The following MGLL variants were observed in gnomAD, a reference collection of about 807,000 sequenced individuals.
MGLL encodes lysophospholipase homolog.
Under a neutral mutation model 29.1 loss-of-function variants are expected in MGLL, and 7 were observed. The observed-to-expected ratio is 0.24, with a 90% confidence interval of 0.14 to 0.45. The LOEUF is 0.45. Ranked by LOEUF, MGLL falls within the 20% of genes least tolerant of loss-of-function variation. MGLL has a pLI of 0.99. For synonymous variants in MGLL, 148 were observed against 168.3 expected, an observed-to-expected ratio of 0.88 and a Z score of 0.93; for missense variants, 356 against 413.6, an observed-to-expected ratio of 0.86 and a Z score of 1.21.
At chr3:127,709,580 C>G (rs1163888656) in intron 6 of MGLL, among the ~76,000 whole-genome samples, 2 of 152,138 alleles carry the variant, frequency 1.3e-5, no homozygotes, top group Non-Finnish European at 1.5e-5. Context: ...GGGAACATCC[C>G]CAGAATGCTA....
chr3:127,744,520 G>A (rs978419121), intron 3 of MGLL, among the ~76,000 whole-genome samples: 1 of 152,202 alleles, frequency 6.6e-6, no homozygotes, highest in African/African-American at 2.4e-5. Context: ...AGAAATGCCA[G>A]ACCTTTCTCT....
intron 2 of MGLL, among the ~76,000 whole-genome samples, chr3:127,794,346 G>A (rs575433999): frequency 1.4e-4 from 21 of 152,018 alleles, no homozygotes; most frequent in Non-Finnish European, 4.4e-5. Context: ...TAAGGAGGCT[G>A]AGGCAGGAGA....
intron 2 of MGLL, 101 bp downstream of exon 2, chr3:127,821,593 G>A: frequency 7.2e-7 from 1 of 1,387,536 alleles, no homozygotes; most frequent in Non-Finnish European, 1.0e-6. Context: ...GTAGGTCATA[G>A]AGAAAGCGGC....
chr3:127,744,245 ATCCTACTC>A (rs1276626044), intron 3 of MGLL, among the ~76,000 whole-genome samples: 1 of 152,220 alleles, frequency 6.6e-6, no homozygotes, highest in Non-Finnish European at 1.5e-5. Context: ...ATTTGAAAAC[ATCCTACTC>A]TCCACTGTAT....
At chr3:127,701,790 C>T (rs139892692) in intron 6 of MGLL, among the ~76,000 whole-genome samples, 6 of 152,202 alleles carry the variant, frequency 3.9e-5, no homozygotes, top group African/African-American at 1.4e-4. Flanking sequence ...GCACTACAGA[C>T]TGGCCCCGAT....
chr3:127,787,041 T>G (rs1289692807), intron 2 of MGLL, among the ~76,000 whole-genome samples: 1 of 152,226 alleles, frequency 6.6e-6, no homozygotes, highest in African/African-American at 2.4e-5. Context: ...TGAGACAATG[T>G]GTGTGCAAGT....
At chr3:127,792,578 C>T (rs2077318794) in intron 2 of MGLL, among the ~76,000 whole-genome samples, 1 of 152,188 alleles carries the variant, frequency 6.6e-6, no homozygotes, top group Admixed American at 6.5e-5. Flanking sequence ...TGGCACACGC[C>T]TGTAGTCCCA....
chr3:127,735,792 T>C (rs1163447260), intron 3 of MGLL: 1 of 1,598,366 alleles, frequency 6.3e-7, no homozygotes, highest in African/African-American at 1.3e-5. Flanking sequence ...GAAAAATGTA[T>C]AAATTCTGGC....
chr3:127,721,518 T>TGTTTG (rs1559922315), intron 4 of MGLL, among the ~76,000 whole-genome samples: 1 of 150,122 alleles, frequency 6.7e-6, no homozygotes. Context: ...TTTTTTTTTT[T>TGTTTG]TTTTTTTTTT....
intron 3 of MGLL, among the ~76,000 whole-genome samples, chr3:127,775,377 G>T (rs569251346): frequency 1.3e-5 from 2 of 152,166 alleles, no homozygotes; most frequent in East Asian, 3.9e-4. Context: ...TAAACCTATG[G>T]CAGTTTATTT....
At chr3:127,798,071 T>G (rs2077414790) in intron 2 of MGLL, among the ~76,000 whole-genome samples, 1 of 152,192 alleles carries the variant, frequency 6.6e-6, no homozygotes, top group Non-Finnish European at 1.5e-5. Flanking sequence ...AAACAACTGA[T>G]CTGCACAGGT....
At chr3:127,822,207 A>C (rs1481142697) in intron 1 of MGLL, 102 bp downstream of exon 1, 2 of 1,334,000 alleles carry the variant, frequency 1.5e-6, no homozygotes, top group Non-Finnish European at 2.2e-6. Context: ...AGACCCATCT[A>C]TCTTAAAATC....
intron 2 of MGLL, among the ~76,000 whole-genome samples, chr3:127,801,209 G>A (rs1412036606): frequency 6.6e-6 from 1 of 151,714 alleles, no homozygotes; most frequent in Non-Finnish European, 1.5e-5. Context: ...GGCTGAGGCA[G>A]GAGAATCGCT....
chr3:127,752,863 A>G (rs1250874670), intron 3 of MGLL, among the ~76,000 whole-genome samples: 1 of 152,184 alleles, frequency 6.6e-6, no homozygotes, highest in African/African-American at 2.4e-5. Context: ...GGGGCTTGTC[A>G]GGTAGAGTTT....
At position 127,692,242 on chromosome 3, in the gene MGLL, C is replaced by A. The variant is rs1170894353; in HGVS notation, c.898G>T (p.Val300Phe). ...NSVFHEINMW[V>F]SQRTATAGTA... is the part of the protein sequence containing the mutation. ...CCTGCCGTGGCTGTCCTTTGAGAGA[C>A]CCACATGTTTATTTCATGGAAGACG... The change falls in exon 8 of 8, where the codon GTC becomes TTC. Residue 300 changes from valine to phenylalanine, a missense_variant. Val to Phe is a conservative substitution (Grantham distance 50). Transcript: ENST00000265052. 3 of 1,613,880 alleles carry A rather than the reference C, an allele frequency of 1.9e-6. No individual in the cohort carries two copies. The highest frequency in any genetic ancestry group is 2.2e-5 in the East Asian group (1 of 44,876).
At chr3:127,760,826 G>A (rs2076751130) in intron 3 of MGLL, among the ~76,000 whole-genome samples, 1 of 152,244 alleles carries the variant, frequency 6.6e-6, no homozygotes, top group Non-Finnish European at 1.5e-5. Flanking sequence ...ATGACTGTGA[G>A]CTTGAATAAA....
chr3:127,776,025 A>G (rs1274794299), intron 3 of MGLL, among the ~76,000 whole-genome samples: 1 of 152,196 alleles, frequency 6.6e-6, no homozygotes, highest in Non-Finnish European at 1.5e-5. Flanking sequence ...TCTCCCTGCT[A>G]TATTTAGAAT....
chr3:127,753,224 C>T (rs781715475), intron 3 of MGLL, among the ~76,000 whole-genome samples: 7 of 152,210 alleles, frequency 4.6e-5, no homozygotes, highest in Non-Finnish European at 1.0e-4. Context: ...GCCTATCACC[C>T]AGTCACTCTC....
intron 3 of MGLL, 67 bp from the exon 4 acceptor site, chr3:127,722,633 TCTC>T (rs2075952208): frequency 1.9e-6 from 3 of 1,603,394 alleles, no homozygotes; most frequent in Non-Finnish European, 2.6e-6. Flanking sequence ...AGCCCAGAGT[TCTC>T]CTCACTGCAA....
Sources: gnomAD v4.1 joint callset for allele counts (sites outside exome capture counted in the v4.1 genomes callset) on GRCh38, gnomAD v4.1.1 for gene constraint, MANE v1.5 for transcripts, NCBI Gene and HGNC (gene_info 2026-07-23, HGNC 2026-07-21) for gene names.